Variants in ITGB3 observed in about 807,000 individuals in gnomAD.
The protein encoded by ITGB3 is integrin subunit beta 3.
In ITGB3, 48 loss-of-function variants were observed where a neutral mutation model predicts 85.8. The ratio of observed to expected loss-of-function variants is 0.56; its 90% CI spans 0.44 to 0.71. The LOEUF is 0.71. ITGB3 is among the 30% of genes least tolerant of loss of function. The pLI is 0.00. For synonymous variants in ITGB3, 363 were observed against 395.6 expected (o/e 0.92, Z 0.98); for missense variants, 861 against 1,019.1 (o/e 0.84, Z 2.11).
intron 1 of ITGB3, chr17:47,259,372 C>G (rs2065001505): frequency 6.6e-6 from 1 of 150,590 alleles, no homozygotes; most frequent in African/African-American, 2.4e-5. Flanking sequence ...GCTTTTTGGC[C>G]AAAACCAGAA....
chr17:47,293,782 A>G (rs548744245), intron 10 of ITGB3, among the ~76,000 whole-genome samples: 1 of 152,112 alleles, frequency 6.6e-6, no homozygotes, highest in South Asian at 2.1e-4. Context: ...TAATTTTGGT[A>G]TTTTTAGTAG....
At chr17:47,279,808 T>C (rs1342838182) in intron 2 of ITGB3, 1 of 152,304 alleles carries the variant, frequency 6.6e-6, no homozygotes, top group African/African-American at 2.4e-5. Flanking sequence ...CATTCTGATT[T>C]ATCCACTGCC....
Position 47,286,353 on chromosome 17 carries a change from G to A in ITGB3, c.708G>A (p.Gln236=), listed in dbSNP as rs971231019. 3 of 1,613,950 alleles carry A rather than the reference G, an allele frequency of 1.9e-6. No homozygotes were observed. The highest frequency in any genetic ancestry group is 2.7e-5 in the African/African-American group (2 of 74,932). ...VTRFNEEVKK[Q]SVSRNRDAPE... ...GCTTCAATGAGGAAGTGAAGAAGCA[G>A]AGTGTGTCACGGAACCGAGATGCCC... Residue 236 remains glutamine, a synonymous_variant, in exon 5 of 15, where the codon CAG becomes CAA. Transcript: ENST00000559488.
chr17:47,300,413 C>A (rs2065162821), intron 11 of ITGB3, 65 bp from the exon 12 acceptor site: 13 of 1,133,096 alleles, frequency 1.1e-5, no homozygotes, highest in Non-Finnish European at 1.5e-5. Context: ...GAGATCAGAG[C>A]TGGACTGGGA....
intron 10 of ITGB3, among the ~76,000 whole-genome samples, chr17:47,295,673 T>C (rs1301932824): frequency 6.6e-6 from 1 of 150,956 alleles, no homozygotes; most frequent in East Asian, 2.0e-4. Context: ...CAAGAGTTTC[T>C]GAGGAGGCGG....
chr17:47,269,485 A>G (rs1486929841), intron 1 of ITGB3, among the ~76,000 whole-genome samples: 1 of 152,170 alleles, frequency 6.6e-6, no homozygotes, highest in Non-Finnish European at 1.5e-5. Flanking sequence ...CAGGGGCAAA[A>G]TGCTGCCAGT....
intron 2 of ITGB3, among the ~76,000 whole-genome samples, chr17:47,283,111 T>G (rs1285133230): frequency 4.6e-5 from 7 of 152,066 alleles, no homozygotes; most frequent in Admixed American, 4.6e-4. Context: ...CTAGCTATGT[T>G]GCCTAGGCTG....
intron 2 of ITGB3, among the ~76,000 whole-genome samples, chr17:47,281,847 A>G (rs2143086414): frequency 6.6e-6 from 1 of 152,328 alleles, no homozygotes; most frequent in South Asian, 2.1e-4. Context: ...TGTCTTATTT[A>G]GCCTGTGTGA....
At chr17:47,272,762 C>T (rs1401271038) in intron 1 of ITGB3, among the ~76,000 whole-genome samples, 2 of 130,134 alleles carry the variant, frequency 1.5e-5, no homozygotes, top group African/African-American at 6.1e-5. Context: ...CTCCTTCCTT[C>T]CTTTCTTTCT....
rs1682204197 is a variant in ITGB3 at position 47,292,157 on chromosome 17, G to A, written c.1279G>A (p.Ala427Thr). 2 of 1,614,058 alleles carry A rather than the reference G, an allele frequency of 1.2e-6. No individual in the cohort carries two copies. The highest frequency in any genetic ancestry group is 1.3e-5 in the African/African-American group (1 of 74,912). ...CATCCAGGTGAGCTTCAGCATTGAG[G>A]CCAAGGTGCGAGGCTGTCCCCAGGA... Reference protein sequence around the residue: ...IGDTVSFSIEAKVRGCPQEKE... With the variant: ...IGDTVSFSIETKVRGCPQEKE... The change falls in exon 10 of 15, where the codon GCC becomes ACC. Residue 427 changes from alanine (A) to threonine (T), a missense_variant. Transcript: ENST00000559488.
chr17:47,261,091 A>G (rs1044700049), intron 1 of ITGB3, among the ~76,000 whole-genome samples: 1 of 152,108 alleles, frequency 6.6e-6, no homozygotes, highest in Non-Finnish European at 1.5e-5. Context: ...CTAACTGAAA[A>G]TTTATATCCC....
chr17:47,269,767 A>G (rs1009225966), intron 1 of ITGB3, among the ~76,000 whole-genome samples: 1 of 152,190 alleles, frequency 6.6e-6, no homozygotes, highest in African/African-American at 2.4e-5. Context: ...CCTGTTACTC[A>G]GTTCCAAAGT....
At chr17:47,265,673 A>C (rs1439970515) in intron 1 of ITGB3, among the ~76,000 whole-genome samples, 1 of 152,176 alleles carries the variant, frequency 6.6e-6, no homozygotes, top group Non-Finnish European at 1.5e-5. Context: ...TGGGGTAAGG[A>C]CTTCAACATA....
intron 1 of ITGB3, among the ~76,000 whole-genome samples, chr17:47,256,654 C>T (rs568841016): frequency 6.6e-6 from 1 of 152,090 alleles, no homozygotes; most frequent in Non-Finnish European, 1.5e-5. Flanking sequence ...GAGGTTGTCC[C>T]AGAGTAGCGG....
chr17:47,301,528 A>C (rs1341423131), intron 12 of ITGB3, among the ~76,000 whole-genome samples: 5 of 152,198 alleles, frequency 3.3e-5, no homozygotes, highest in Non-Finnish European at 5.9e-5. Context: ...TGCTATGATT[A>C]GTTCAGAGAG....
At chr17:47,279,615 A>G (rs2065076093) in intron 2 of ITGB3, 1 of 152,226 alleles carries the variant, frequency 6.6e-6, no homozygotes, top group South Asian at 2.1e-4. Context: ...CCCTCTTCTC[A>G]TTAGGACTGC....
At chr17:47,302,686 C>T in intron 12 of ITGB3, 35 bp from the exon 13 acceptor site, 1 of 1,613,614 alleles carries the variant, frequency 6.2e-7, no homozygotes, top group Non-Finnish European at 8.5e-7. Flanking sequence ...CAGTAGTTGT[C>T]TCACTTTTTA....
At chr17:47,269,128 G>T (rs1413383984) in intron 1 of ITGB3, among the ~76,000 whole-genome samples, 1 of 152,170 alleles carries the variant, frequency 6.6e-6, no homozygotes. Context: ...TTCCTAGGCT[G>T]CACATAGCAG....
intron 9 of ITGB3, 53 bp from the exon 10 acceptor site, chr17:47,292,086 G>A: frequency 6.3e-7 from 1 of 1,582,940 alleles, no homozygotes; most frequent in Non-Finnish European, 8.7e-7. Flanking sequence ...CTCCAGAGCT[G>A]GAGTGTTAAC....
Sources: allele counts gnomAD v4.1 joint callset (sites outside exome capture counted in the v4.1 genomes callset), GRCh38; gene constraint gnomAD v4.1.1; transcripts MANE v1.5; gene names NCBI Gene and HGNC (gene_info 2026-07-23, HGNC 2026-07-21).